The following CLASP2 variants were observed in gnomAD, a reference collection of about 807,000 sequenced individuals.
CLASP2 encodes the protein CLIP-associating protein 2.
A neutral mutation model predicts 194.4 loss-of-function variants in CLASP2; 47 were observed. That is an observed-to-expected ratio of 0.24 (90% CI 0.19 to 0.31). The LOEUF (loss-of-function observed/expected upper bound fraction) is 0.31, where lower values mean the gene tolerates loss of function less well. Among genes scored for constraint, CLASP2 ranks in the 10% least tolerant of loss-of-function variants. CLASP2 has a pLI of 1.00. For missense variants in CLASP2, 1,445 were observed against 1,823.6 expected, an observed-to-expected ratio of 0.79 and a Z score of 3.78; for synonymous variants, 619 against 633.5, an observed-to-expected ratio of 0.98 and a Z score of 0.34.
chr3:33,608,580 G>A lies in CLASP2; in HGVS notation c.1435C>T (p.His479Tyr). The A allele has an allele frequency of 6.2e-7, 1 of 1,611,328 alleles. No individual in the cohort carries two copies. The highest frequency in any genetic ancestry group is 8.5e-7 in the Non-Finnish European group (1 of 1,178,738). ...GGGAATGCATACCTTTCCAATGAAT[G>A]AGTCTGCCACTCTTGCAACAATAAA... Reference protein sequence around the residue: ...LDLLLQEWQTHSLERHAAVLV... With the variant: ...LDLLLQEWQTYSLERHAAVLV... The change falls in exon 14 of 39, where the codon CAT becomes TAT. Residue 479 changes from histidine (H) to tyrosine (Y), a missense_variant. Transcript: ENST00000682230.
At chr3:33,646,035 A>G (rs1411092300) in intron 7 of CLASP2, among the ~76,000 whole-genome samples, 1 of 151,904 alleles carries the variant, frequency 6.6e-6, no homozygotes, top group Non-Finnish European at 1.5e-5. Context: ...CAAATCAACC[A>G]TGACAAACAA....
intron 22 of CLASP2, among the ~76,000 whole-genome samples, chr3:33,583,980 G>A (rs2066749969): frequency 6.6e-6 from 1 of 152,066 alleles, no homozygotes; most frequent in South Asian, 2.1e-4. Flanking sequence ...CAATCCTGAA[G>A]GCCGTACAAT....
chr3:33,521,626 T>G (rs1381066519), intron 34 of CLASP2, among the ~76,000 whole-genome samples: 1 of 152,152 alleles, frequency 6.6e-6, no homozygotes, highest in Non-Finnish European at 1.5e-5. Context: ...GATGGAGACA[T>G]GATGATTAAA....
At chr3:33,501,275 T>A (rs1329779130) in intron 38 of CLASP2, among the ~76,000 whole-genome samples, 1 of 152,206 alleles carries the variant, frequency 6.6e-6, no homozygotes, top group Non-Finnish European at 1.5e-5. Context: ...TTTGGAGAGA[T>A]ATACAGTAAT....
At chr3:33,679,196 T>A (rs1252783240) in intron 6 of CLASP2, among the ~76,000 whole-genome samples, 1 of 152,068 alleles carries the variant, frequency 6.6e-6, no homozygotes, top group African/African-American at 2.4e-5. Context: ...AACAAAAACA[T>A]GAATCTAGAT....
At chr3:33,635,667 C>G (rs1415620099) in intron 8 of CLASP2, among the ~76,000 whole-genome samples, 1 of 152,028 alleles carries the variant, frequency 6.6e-6, no homozygotes, top group Admixed American at 6.5e-5. Context: ...AGAAACTATT[C>G]AATAATAATG....
intron 37 of CLASP2, 83 bp downstream of exon 37, chr3:33,510,475 C>T (rs1357928723): frequency 8.0e-7 from 1 of 1,253,566 alleles, no homozygotes; most frequent in Non-Finnish European, 1.1e-6. Context: ...TTGATCATGC[C>T]AGTAATGATG....
intron 34 of CLASP2, among the ~76,000 whole-genome samples, chr3:33,521,341 C>G (rs956790426): frequency 2.0e-5 from 3 of 152,034 alleles, no homozygotes; most frequent in Non-Finnish European, 4.4e-5. Context: ...AGTAATTTCA[C>G]AGTAAAGAAG....
intron 37 of CLASP2, among the ~76,000 whole-genome samples, chr3:33,507,217 G>C (rs750839647): frequency 3.9e-5 from 6 of 152,018 alleles, no homozygotes; most frequent in Non-Finnish European, 7.4e-5. Flanking sequence ...GATTACAGGC[G>C]TGAGCCACCA....
At chr3:33,638,734 T>C (rs757753642) in intron 8 of CLASP2, among the ~76,000 whole-genome samples, 4 of 152,226 alleles carry the variant, frequency 2.6e-5, no homozygotes, top group Non-Finnish European at 5.9e-5. Flanking sequence ...GTCAACTATA[T>C]TAGAATGTAT....
chr3:33,581,269 G>A (rs577734890), intron 23 of CLASP2, among the ~76,000 whole-genome samples: 1 of 152,102 alleles, frequency 6.6e-6, no homozygotes, highest in East Asian at 1.9e-4. Flanking sequence ...ATACAGTTGG[G>A]GACAAACAAG....
chr3:33,692,297 A>G (rs988807283), intron 2 of CLASP2, among the ~76,000 whole-genome samples: 9 of 152,190 alleles, frequency 5.9e-5, no homozygotes, highest in Non-Finnish European at 1.2e-4. Context: ...ACCATATAAC[A>G]ATAATGGAAA....
At chr3:33,563,109 T>C (rs574161922) in intron 27 of CLASP2, among the ~76,000 whole-genome samples, 22 of 152,364 alleles carry the variant, frequency 1.4e-4, no homozygotes, top group Middle Eastern at 3.4e-3. Context: ...CTTTACTCTT[T>C]TTATTCTCTA....
rs2064129405 is a variant in CLASP2 at position 33,573,100 on chromosome 3, CG to C, written c.2699+9del. The C allele has an allele frequency of 6.2e-7, 1 of 1,612,720 alleles. No homozygotes were observed. Among genetic ancestry groups the C allele is most frequent in the Non-Finnish European group, 8.5e-7 (1 of 1,179,270 alleles). Reference sequence around the variant, plus strand: ...TGATAGTAAAATCATTTTAAGACAACGCATCTCACCTTAGTGTTCTCTGATT... The same window carrying C: ...TGATAGTAAAATCATTTTAAGACAACCATCTCACCTTAGTGTTCTCTGATT... On this transcript the variant is annotated intron_variant, in intron 25 of 38. Transcript: ENST00000682230.
At chr3:33,714,418 G>A (rs2093189275) in intron 1 of CLASP2, among the ~76,000 whole-genome samples, 2 of 152,050 alleles carry the variant, frequency 1.3e-5, no homozygotes, top group South Asian at 2.1e-4. Context: ...ACCTAACACA[G>A]TAAAAACTAA....
intron 1 of CLASP2, among the ~76,000 whole-genome samples, chr3:33,714,510 C>A (rs1234918358): frequency 6.6e-6 from 1 of 152,172 alleles, no homozygotes; most frequent in Non-Finnish European, 1.5e-5. Context: ...TAACCTACTG[C>A]TCAATCAAGG....
At chr3:33,532,831 G>C (rs943147607) in intron 34 of CLASP2, among the ~76,000 whole-genome samples, 1 of 152,198 alleles carries the variant, frequency 6.6e-6, no homozygotes, top group Non-Finnish European at 1.5e-5. Flanking sequence ...AGCCTCCTGA[G>C]TAGCTGGGAC....
chr3:33,589,088 A>G lies in CLASP2; in HGVS notation c.2068+3307T>C, dbSNP rs969553278. ...TTAAACATTTAATTTAAAACTACTC[A>G]TAAGGAACAACTACAATATTGTACA... On this transcript the variant is annotated intron_variant, in intron 21 of 38. Coordinates refer to ENST00000682230, the MANE Select transcript of CLASP2 (RefSeq NM_001365631.1). Among the ~76,000 whole-genome samples the G allele has an allele frequency of 2.0e-5, 3 of 152,254 alleles. No homozygotes were observed. The East Asian group carries it at 5.8e-4, about 29-fold the overall frequency.
chr3:33,498,745 T>A, intron 38 of CLASP2, 28 bp from the exon 39 acceptor site: 1 of 1,485,506 alleles, frequency 6.7e-7, no homozygotes, highest in Middle Eastern at 1.7e-4. Flanking sequence ...ATAAATGTCA[T>A]TTGAGCAAGC....
Sources: allele counts gnomAD v4.1 joint callset (sites outside exome capture counted in the v4.1 genomes callset), GRCh38; gene constraint gnomAD v4.1.1; transcripts MANE v1.5; gene names NCBI Gene and HGNC (gene_info 2026-07-23, HGNC 2026-07-21).